ENTREP2: variants seen among roughly 807,000 people sequenced by gnomAD.
ENTREP2 encodes protein ENTREP2.
At chr15:29,229,724 T>A in the ENTREP2 span, among the ~76,000 whole-genome samples, 2 of 152,230 alleles carry the variant, frequency 1.3e-5, no homozygotes, top group South Asian at 2.1e-4. Context: ...CTATCATTCC[T>A]GTTTGGTCTC....
chr15:29,196,427 C>T, the ENTREP2 span: 4 of 1,550,284 alleles, frequency 2.6e-6, no homozygotes, highest in South Asian at 1.2e-5. Flanking sequence ...CCAGCGGGGT[C>T]ACCTTCAAGG....
At chr15:29,261,843 G>C in the ENTREP2 span, among the ~76,000 whole-genome samples, 4 of 150,484 alleles carry the variant, frequency 2.7e-5, no homozygotes, top group African/African-American at 9.8e-5. Context: ...TCAAATATGA[G>C]CAATATTGTA....
At chr15:29,590,376 A>G in the ENTREP2 span, among the ~76,000 whole-genome samples, 7 of 152,138 alleles carry the variant, frequency 4.6e-5, no homozygotes, top group Non-Finnish European at 1.0e-4. Context: ...TCTGAAAACA[A>G]CAGCAGCAAC....
chr15:29,580,332 T>C, the ENTREP2 span, among the ~76,000 whole-genome samples: 2 of 152,218 alleles, frequency 1.3e-5, no homozygotes, highest in African/African-American at 2.4e-5. Flanking sequence ...CAACTCCACT[T>C]CCTAATGAAG....
At chr15:29,593,891 T>C in the ENTREP2 span, among the ~76,000 whole-genome samples, 3 of 152,158 alleles carry the variant, frequency 2.0e-5, no homozygotes, top group Non-Finnish European at 4.4e-5. Flanking sequence ...CAGAATTGCA[T>C]AGAACTATAT....
the ENTREP2 span, among the ~76,000 whole-genome samples, chr15:29,174,308 A>G: frequency 1.3e-5 from 2 of 152,178 alleles, no homozygotes; most frequent in African/African-American, 2.4e-5. Flanking sequence ...TTGCATGACA[A>G]TGGAGTGGAA....
At chr15:29,235,171 T>C in the ENTREP2 span, 8 of 713,100 alleles carry the variant, frequency 1.1e-5, no homozygotes, top group Non-Finnish European at 2.0e-5. Context: ...GGGGAGACCC[T>C]ACCTGAATCT....
the ENTREP2 span, among the ~76,000 whole-genome samples, chr15:29,492,772 A>C: frequency 6.6e-6 from 1 of 152,082 alleles, no homozygotes; most frequent in Non-Finnish European, 1.5e-5. Flanking sequence ...GGGAGGCCAA[A>C]GCAGGTAGAT....
the ENTREP2 span, among the ~76,000 whole-genome samples, chr15:29,500,964 A>G: frequency 1.3e-5 from 2 of 152,008 alleles, no homozygotes; most frequent in Admixed American, 6.6e-5. Flanking sequence ...GATACCCTAG[A>G]TGAAATGGAC....
the ENTREP2 span, among the ~76,000 whole-genome samples, chr15:29,476,926 C>T: frequency 6.6e-6 from 1 of 152,202 alleles, no homozygotes; most frequent in Non-Finnish European, 1.5e-5. Flanking sequence ...TAGGCATACA[C>T]CCATCCAAAC....
chr15:29,172,894 C>G, the ENTREP2 span, among the ~76,000 whole-genome samples: 1 of 152,136 alleles, frequency 6.6e-6, no homozygotes, highest in Non-Finnish European at 1.5e-5. Context: ...GTCAGGACAC[C>G]TGTTTTAGCC....
chr15:29,316,518 C>T, the ENTREP2 span, among the ~76,000 whole-genome samples: 8 of 152,180 alleles, frequency 5.3e-5, no homozygotes, highest in Non-Finnish European at 1.2e-4. Context: ...ATAAGGGCCA[C>T]CTTCTCTTTT....
chr15:29,660,044 C>T, the ENTREP2 span, among the ~76,000 whole-genome samples: 223 of 152,274 alleles, frequency 1.5e-3, no homozygotes, highest in African/African-American at 5.0e-3. Flanking sequence ...TCAAGCAATC[C>T]GCCTGCCTTG....
At chr15:29,162,914 C>A in the ENTREP2 span, among the ~76,000 whole-genome samples, 2 of 151,998 alleles carry the variant, frequency 1.3e-5, no homozygotes, top group Non-Finnish European at 2.9e-5. Flanking sequence ...ACTGCACACC[C>A]CCCACCACCT....
At chr15:29,450,869 C>A in the ENTREP2 span, among the ~76,000 whole-genome samples, 3 of 152,076 alleles carry the variant, frequency 2.0e-5, no homozygotes, top group East Asian at 1.9e-4. Flanking sequence ...CCAAATACTG[C>A]ATGTTCTCAC....
chr15:29,151,875 A>C, the ENTREP2 span: 102 of 1,493,286 alleles, frequency 6.8e-5, no homozygotes, highest in Non-Finnish European at 8.9e-5. Flanking sequence ...TGTCAGCCTC[A>C]TCCCGAAATA....
the ENTREP2 span, among the ~76,000 whole-genome samples, chr15:29,621,305 C>T: frequency 6.6e-5 from 10 of 151,808 alleles, no homozygotes; most frequent in East Asian, 1.9e-4. Flanking sequence ...AGGTGGATCA[C>T]GAGGTCAGGA....
the ENTREP2 span, among the ~76,000 whole-genome samples, chr15:29,133,571 G>T: frequency 6.6e-6 from 1 of 152,198 alleles, no homozygotes; most frequent in East Asian, 1.9e-4. Context: ...GGTGCGCCAC[G>T]TGGCCCTGGA....
chr15:29,303,697 C>A, the ENTREP2 span, among the ~76,000 whole-genome samples: 1 of 144,246 alleles, frequency 6.9e-6, no homozygotes, highest in African/African-American at 2.5e-5. Context: ...TCTTTGTGTC[C>A]ATGTGTACCC....
Sources: allele counts gnomAD v4.1 joint callset (sites outside exome capture counted in the v4.1 genomes callset), GRCh38; gene constraint gnomAD v4.1.1; transcripts MANE v1.5; gene names NCBI Gene and HGNC (gene_info 2026-07-23, HGNC 2026-07-21).